Variants in DDI2 observed in about 807,000 individuals in gnomAD.
The protein encoded by DDI2 is protein DDI1 homolog 2.
DDI2 carries 5 observed loss-of-function variants against 48.1 expected under a neutral mutation model. That is an observed-to-expected ratio of 0.10 (90% CI 0.05 to 0.22). The LOEUF is 0.22. DDI2 is among the 10% of genes least tolerant of loss of function. The pLI is 1.00. For synonymous variants in DDI2, 205 were observed against 183.6 expected, an observed-to-expected ratio of 1.12 and a Z score of -0.94; for missense variants, 285 against 506.2, an observed-to-expected ratio of 0.56 and a Z score of 4.19.
At chr1:15,619,015 T>G (rs1271487979) in intron 1 of DDI2, among the ~76,000 whole-genome samples, 1 of 152,232 alleles carries the variant, frequency 6.6e-6, no homozygotes, top group African/African-American at 2.4e-5. Context: ...ATTTAAAAAG[T>G]TAATCCACAA....
chr1:15,640,228 A>AT (rs1453156956), intron 5 of DDI2, among the ~76,000 whole-genome samples: 1 of 152,172 alleles, frequency 6.6e-6, no homozygotes, highest in African/African-American at 2.4e-5. Flanking sequence ...CTCAGTGTGT[A>AT]TTGATTCCTT....
intron 1 of DDI2, among the ~76,000 whole-genome samples, chr1:15,624,322 TTATAA>T (rs1308292211): frequency 3.9e-5 from 6 of 152,168 alleles, no homozygotes; most frequent in Non-Finnish European, 7.3e-5. Context: ...GTCTCACAAG[TTATAA>T]TATGACTCTC....
rs1390950405 is a variant in DDI2, at chr1:15,668,838, G to A, written c.*9048G>A. ...CAAAATTGGTGGCATTGTGCCATTCGTTTAGGGGCTGAACATAGGACCTGT... is the reference window on the plus strand; with the variant it reads ...CAAAATTGGTGGCATTGTGCCATTCATTTAGGGGCTGAACATAGGACCTGT... On this transcript the variant is annotated 3_prime_UTR_variant, in exon 10 of 10. Coordinates refer to ENST00000480945, the MANE Select transcript of DDI2 (RefSeq NM_032341.5). The A allele has an allele frequency of 2.0e-5, 3 of 152,224 alleles. No individual in the cohort carries two copies. Among genetic ancestry groups the A allele is most frequent in the South Asian group, 2.1e-4 (1 of 4,832 alleles). The allele number at this position is 152,224 out of a possible 1,614,324, so 9.4% of individuals were successfully genotyped here.
At chr1:15,637,834 GTACAGA>G (rs1460379622) in intron 4 of DDI2, among the ~76,000 whole-genome samples, 1 of 152,052 alleles carries the variant, frequency 6.6e-6, no homozygotes. Flanking sequence ...TATCCTTAGT[GTACAGA>G]TTAGAAAACC....
chr1:15,628,017 C>G (rs978264044), intron 2 of DDI2, among the ~76,000 whole-genome samples: 1 of 151,788 alleles, frequency 6.6e-6, no homozygotes, highest in Non-Finnish European at 1.5e-5. Flanking sequence ...ACCACATCTT[C>G]CTTTGGTTAA....
intron 1 of DDI2, among the ~76,000 whole-genome samples, chr1:15,622,653 T>TGCCGGCA (rs140275448): frequency 0.033 from 5,074 of 152,216 alleles, 282 homozygotes; most frequent in African/African-American, 0.11. Flanking sequence ...GGATCAAGAA[T>TGCCGGCA]GCCGGCAGCG....
intron 1 of DDI2, among the ~76,000 whole-genome samples, chr1:15,620,711 C>T (rs114430462): frequency 2.2e-4 from 34 of 152,104 alleles, no homozygotes; most frequent in African/African-American, 7.7e-4. Flanking sequence ...TATACATGAA[C>T]TGATACGTTG....
rs1215759927 is a variant in DDI2, at chr1:15,664,838, A to C, written c.*5048A>C. On this transcript the variant is annotated 3_prime_UTR_variant, in exon 10 of 10. Coordinates refer to ENST00000480945, the MANE Select transcript of DDI2 (RefSeq NM_032341.5). ...AAGATGTGCTTGGTAACCAGACAGC[A>C]GCTTTACATAGGTTATAGATTTTGC... 6.6e-6 allele frequency: 1 copy of C among 152,242 alleles called. No homozygotes were observed. The highest frequency in any genetic ancestry group is 1.5e-5 in the Non-Finnish European group (1 of 68,052). 9.4% of individuals were successfully genotyped at this position (152,242 alleles called of 1,614,324 possible).
At chr1:15,627,109 C>G (rs1020433810) in intron 2 of DDI2, 4 of 262,036 alleles carry the variant, frequency 1.5e-5, no homozygotes, top group Non-Finnish European at 2.9e-5. Flanking sequence ...ATACAATAAT[C>G]TTTATCCTTG....
chr1:15,665,486 T>C lies in DDI2; in HGVS notation c.*5696T>C, dbSNP rs1012588218. 14 of 152,170 alleles carry C rather than the reference T, an allele frequency of 9.2e-5. No individual in the cohort carries two copies. Among genetic ancestry groups the C allele is most frequent in the Admixed American group, 1.3e-4 (2 of 15,278 alleles). The allele number at this position is 152,170 out of a possible 1,614,324, so 9.4% of individuals were successfully genotyped here. A position where few individuals can be genotyped will look rare whatever the true frequency, so the allele number is the denominator to read the frequency against. On this transcript the variant is annotated 3_prime_UTR_variant, in exon 10 of 10. Coordinates refer to ENST00000480945, the MANE Select transcript of DDI2 (RefSeq NM_032341.5). ...ATGAGGCTTTTTGTCACTGATTTTA[T>C]GATAACCAGTTAATGTGGAATCTGC...
chr1:15,645,034 C>T (rs937352000), intron 6 of DDI2, among the ~76,000 whole-genome samples: 3 of 152,244 alleles, frequency 2.0e-5, no homozygotes, highest in Non-Finnish European at 4.4e-5. Context: ...GGGTCACAGG[C>T]GTGCACCACC....
intron 3 of DDI2, 50 bp downstream of exon 3, chr1:15,630,611 C>T (rs746312819): frequency 7.8e-7 from 1 of 1,280,380 alleles, no homozygotes; most frequent in East Asian, 2.3e-5. Flanking sequence ...GGTGAAGAAG[C>T]TGTGTCATAG....
intron 1 of DDI2, 110 bp downstream of exon 1, chr1:15,617,918 G>T (rs1206670262): frequency 2.2e-6 from 3 of 1,359,562 alleles, no homozygotes; most frequent in Non-Finnish European, 2.9e-6. Flanking sequence ...GGGGAGCAAG[G>T]ATAGCCATTC....
chr1:15,644,158 A>G (rs528359268), intron 6 of DDI2, among the ~76,000 whole-genome samples: 10 of 152,300 alleles, frequency 6.6e-5, no homozygotes, highest in African/African-American at 9.6e-5. Flanking sequence ...AGCACATCCA[A>G]TAGCCTCTAC....
At chr1:15,654,937 C>CT (rs60979134) in intron 8 of DDI2, among the ~76,000 whole-genome samples, 2,235 of 140,618 alleles carry the variant, frequency 0.016, 62 homozygotes, top group African/African-American at 0.046. Context: ...TATGAAATGT[C>CT]TTTTTTTTTT....
chr1:15,643,501 G>A, intron 5 of DDI2, 21 bp from the exon 6 acceptor site: 2 of 1,604,876 alleles, frequency 1.2e-6, no homozygotes, highest in Non-Finnish European at 1.7e-6. Flanking sequence ...TTTATTGTCT[G>A]ATGTTTCTCT....
chr1:15,647,595 C>G (rs1372681603), intron 6 of DDI2, among the ~76,000 whole-genome samples: 2 of 152,110 alleles, frequency 1.3e-5, no homozygotes, highest in African/African-American at 2.4e-5. Flanking sequence ...TGTACCAATC[C>G]AGTTTATCCA....
At chr1:15,659,786 C>G in intron 9 of DDI2, 51 bp from the exon 10 acceptor site, 1 of 1,469,650 alleles carries the variant, frequency 6.8e-7, no homozygotes, top group Non-Finnish European at 9.0e-7. Context: ...AATTTAGTGG[C>G]ATTAGTCACC....
chr1:15,629,754 G>A (rs1639814188), intron 2 of DDI2, among the ~76,000 whole-genome samples: 1 of 140,906 alleles, frequency 7.1e-6, no homozygotes. Context: ...CTTTTGAGAT[G>A]AAGTTTCGCT....
Sources: allele counts gnomAD v4.1 joint callset (sites outside exome capture counted in the v4.1 genomes callset), GRCh38; gene constraint gnomAD v4.1.1; transcripts MANE v1.5; gene names NCBI Gene and HGNC (gene_info 2026-07-23, HGNC 2026-07-21).